The following CCDC141 variants were observed in gnomAD, a reference collection of about 807,000 sequenced individuals.
The protein encoded by CCDC141 is coiled-coil domain-containing protein 141.
Under a neutral mutation model 181.0 loss-of-function variants are expected in CCDC141, and 168 were observed. The observed-to-expected ratio is 0.93, with a 90% CI of 0.82 to 1.05. The LOEUF (loss-of-function observed/expected upper bound fraction) is 1.05, where lower values mean the gene tolerates loss of function less well. CCDC141 is among the 50% of genes least tolerant of loss of function. The pLI is 0.00. For missense variants in CCDC141, 1,902 were observed against 1,788.5 expected, an observed-to-expected ratio of 1.06 and a Z score of -1.14; for synonymous variants, 666 against 642.3, an observed-to-expected ratio of 1.04 and a Z score of -0.56.
intron 2 of CCDC141, among the ~76,000 whole-genome samples, chr2:179,028,338 T>G (rs1162310396): frequency 6.6e-6 from 1 of 152,252 alleles, no homozygotes; most frequent in African/African-American, 2.4e-5. Context: ...TCTGCTCATT[T>G]CCTGAACCCT....
At chr2:178,966,567 G>C (rs2064127500) in intron 4 of CCDC141, among the ~76,000 whole-genome samples, 1 of 152,112 alleles carries the variant, frequency 6.6e-6, no homozygotes, top group East Asian at 1.9e-4. Flanking sequence ...GAAAGGAACA[G>C]CACATCCACT....
the CCDC141 span, among the ~76,000 whole-genome samples, chr2:178,815,116 A>C: frequency 6.6e-6 from 1 of 152,156 alleles, no homozygotes; most frequent in Non-Finnish European, 1.5e-5. Context: ...TGAGAAAATA[A>C]ATTTCAGTAA....
intron 2 of CCDC141, among the ~76,000 whole-genome samples, chr2:179,027,579 A>T (rs1360001177): frequency 7.4e-6 from 1 of 134,754 alleles, no homozygotes; most frequent in African/African-American, 2.7e-5. Flanking sequence ...CGGGAGGTGG[A>T]GGTCGCAGTG....
At chr2:178,938,874 G>A (rs1689396672) in intron 6 of CCDC141, among the ~76,000 whole-genome samples, 1 of 152,128 alleles carries the variant, frequency 6.6e-6, no homozygotes, top group Admixed American at 6.6e-5. Flanking sequence ...ATGCAACCAA[G>A]TATAGCCTTA....
downstream of CCDC141, among the ~76,000 whole-genome samples, chr2:178,827,083 A>G (rs1366610535): frequency 6.6e-6 from 1 of 152,182 alleles, no homozygotes; most frequent in Non-Finnish European, 1.5e-5. Context: ...CAAAATATCT[A>G]AAAATCCTTA....
chr2:178,893,354 T>C (rs898182018), intron 8 of CCDC141, among the ~76,000 whole-genome samples: 1 of 151,988 alleles, frequency 6.6e-6, no homozygotes. Flanking sequence ...GGGAAGCAAA[T>C]TCCAATGTTA....
intron 2 of CCDC141, among the ~76,000 whole-genome samples, chr2:179,030,199 A>T: frequency 6.6e-6 from 1 of 152,116 alleles, no homozygotes; most frequent in East Asian, 1.9e-4. Context: ...ATTTATAAAT[A>T]AATTAATACC....
At chr2:178,870,428 C>T (rs980068699) in intron 14 of CCDC141, among the ~76,000 whole-genome samples, 4 of 152,020 alleles carry the variant, frequency 2.6e-5, no homozygotes, top group Non-Finnish European at 1.5e-5. Flanking sequence ...ATCACAGTGA[C>T]AGGGCTAAAG....
At chr2:178,940,169 G>A (rs1045034938) in intron 6 of CCDC141, among the ~76,000 whole-genome samples, 5 of 152,204 alleles carry the variant, frequency 3.3e-5, no homozygotes, top group Admixed American at 3.3e-4. Flanking sequence ...ATGGCAGAAG[G>A]AGTACAGCAG....
Position 178,954,910 on chromosome 2 carries a change from C to T in CCDC141, c.780+6320G>A, listed in dbSNP as rs536252076. On this transcript the variant is annotated intron_variant, in intron 5 of 23. Coordinates refer to ENST00000443758, the MANE Select transcript of CCDC141 (RefSeq NM_173648.4). The stretch of plus-strand genomic sequence containing the variant: ...ATCTGAGAACATGATAACTATAAAA[C>T]CCAAATTACTAACTGAGTGACACTC... Among the ~76,000 whole-genome samples the T allele has an allele frequency of 9.9e-5, 15 of 152,062 alleles. No homozygotes were observed. In the South Asian group the frequency reaches 3.1e-3, roughly 32 times the overall value.
At chr2:178,977,070 G>A (rs1691152412) in intron 3 of CCDC141, among the ~76,000 whole-genome samples, 1 of 152,104 alleles carries the variant, frequency 6.6e-6, no homozygotes, top group Non-Finnish European at 1.5e-5. Context: ...ATAGGAGTTT[G>A]TCTTCAGTTT....
chr2:178,927,446 C>T (rs529903780), intron 6 of CCDC141, among the ~76,000 whole-genome samples: 61 of 151,964 alleles, frequency 4.0e-4, no homozygotes, highest in African/African-American at 1.2e-3. Flanking sequence ...AGCTGGTGAG[C>T]GTAGAGGTGG....
chr2:178,967,214 C>T (rs904849857), intron 4 of CCDC141, among the ~76,000 whole-genome samples: 6 of 152,166 alleles, frequency 3.9e-5, no homozygotes, highest in African/African-American at 1.4e-4. Context: ...CCCAACCTAG[C>T]AAGGCAGGCC....
intron 6 of CCDC141, among the ~76,000 whole-genome samples, chr2:178,926,822 A>G (rs1456627993): frequency 1.3e-5 from 2 of 152,234 alleles, no homozygotes; most frequent in African/African-American, 2.4e-5. Flanking sequence ...TAAATGTTTG[A>G]GATGATGGAT....
At chr2:179,033,172 A>T (rs1170605984) in intron 2 of CCDC141, among the ~76,000 whole-genome samples, 3 of 151,876 alleles carry the variant, frequency 2.0e-5, no homozygotes, top group Non-Finnish European at 2.9e-5. Flanking sequence ...ACATATGGAC[A>T]GTTGGTTCTT....
intron 15 of CCDC141, among the ~76,000 whole-genome samples, 153 bp from the exon 16 acceptor site, chr2:178,868,358 C>T (rs1389861797): frequency 2.0e-5 from 3 of 152,100 alleles, no homozygotes; most frequent in Non-Finnish European, 1.5e-5. Context: ...TGTTAGAATG[C>T]TGCAAATCCA....
intron 17 of CCDC141, among the ~76,000 whole-genome samples, chr2:178,857,779 A>C (rs530030681): frequency 4.6e-5 from 7 of 152,338 alleles, no homozygotes; most frequent in Non-Finnish European, 7.4e-5. Flanking sequence ...AAAAGCATTA[A>C]AATTCTTTTC....
intron 3 of CCDC141, 136 bp from the exon 4 acceptor site, chr2:178,975,301 T>C (rs1195991527): frequency 1.3e-5 from 7 of 529,380 alleles, no homozygotes; most frequent in Admixed American, 3.0e-5. Context: ...CATATGTTTG[T>C]ATGTGTTTGT....
At chr2:178,921,814 C>T (rs184429195) in intron 6 of CCDC141, among the ~76,000 whole-genome samples, 1,621 of 152,298 alleles carry the variant, frequency 0.011, 41 homozygotes, top group Non-Finnish European at 0.013. Flanking sequence ...TTTGTTTTGT[C>T]CCTGTTCTCC....
Sources: allele counts gnomAD v4.1 joint callset (sites outside exome capture counted in the v4.1 genomes callset), GRCh38; gene constraint gnomAD v4.1.1; transcripts MANE v1.5; gene names NCBI Gene and HGNC (gene_info 2026-07-23, HGNC 2026-07-21).